The following LENG8 variants were observed in gnomAD, a reference collection of about 807,000 sequenced individuals.
LENG8 encodes the protein leukocyte receptor cluster (LRC) member 8.
LENG8 carries 28 observed loss-of-function variants against 102.1 expected under a neutral mutation model. The ratio of observed to expected loss-of-function variants is 0.27; its 90% CI spans 0.20 to 0.38. The LOEUF is 0.38. Ranked by LOEUF, LENG8 falls within the 10% of genes least tolerant of loss-of-function variation. The probability of loss-of-function intolerance (pLI) is 1.00; values close to 1 mark genes in which losing one functional copy is unlikely to be tolerated. For missense variants in LENG8, 1,022 were observed against 1,113.9 expected (o/e 0.92, Z 1.17); for synonymous variants, 531 against 456.7 (o/e 1.16, Z -2.07).
At chr19:54,457,064 G>A in intron 11 of LENG8, 143 bp downstream of exon 11, 1 of 1,012,528 alleles carries the variant, frequency 9.9e-7, no homozygotes, top group Non-Finnish European at 1.4e-6. Context: ...CGGCTGGTCG[G>A]CATTCTGAGA....
chr19:54,455,293 G>A, intron 7 of LENG8, 71 bp from the exon 8 acceptor site: 5 of 1,562,394 alleles, frequency 3.2e-6, no homozygotes, highest in Non-Finnish European at 4.4e-6. Flanking sequence ...TGTCAGCTCA[G>A]AGTGGCGGTG....
Position 54,454,638 on chromosome 19 carries a change from C to A in LENG8, c.635C>A (p.Pro212His). The change falls in exon 6 of 16, where the codon CCT (proline) becomes CAT (histidine). Residue 212 changes from proline (P) to histidine (H), a missense_variant. Pro to His is a moderately conservative substitution (Grantham distance 77). Coordinates refer to ENST00000326764, the MANE Select transcript of LENG8 (RefSeq NM_052925.4). Reference protein sequence around the residue: ...QAYGPHTYTEPAKPKKGQQLW... With the variant: ...QAYGPHTYTEHAKPKKGQQLW... The stretch of plus-strand genomic sequence containing the variant: ...TATGGGCCACACACCTACACCGAAC[C>A]TGCCAAGCCCAAGAAGGGCCAACAG... 1 of 1,607,482 alleles carries A rather than the reference C, an allele frequency of 6.2e-7. No individual in the cohort carries two copies. The highest frequency in any genetic ancestry group is 8.5e-7 in the Non-Finnish European group (1 of 1,178,632).
At position 54,453,674 on chromosome 19, in the gene LENG8, C is replaced by T. The variant is rs761370812; in HGVS notation, c.426+18C>T. ...TGAACCAGGTAACATCCTAGCCCAG[C>T]TCCCATACCCTGCTCAAGCAGAGGA... On this transcript the variant is annotated intron_variant, in intron 5 of 15. Coordinates refer to ENST00000326764, the MANE Select transcript of LENG8 (RefSeq NM_052925.4). 1.2e-5 allele frequency: 19 copies of T among 1,538,660 alleles called. No homozygotes were observed. Among genetic ancestry groups the T allele is most frequent in the Admixed American group, 1.7e-5 (1 of 57,384 alleles).
Position 54,454,503 on chromosome 19 carries a change from C to T in LENG8, c.500C>T (p.Pro167Leu), listed in dbSNP as rs907677867. Residue 167 changes from proline (P) to leucine (L), a missense_variant, in exon 6 of 16, where the codon CCT (proline) becomes CTT (leucine). Physicochemically the swap from Pro to Leu is moderately conservative, Grantham distance 98. Around this residue, in one of 7 missense-constraint regions of LENG8, gnomAD observed 343 missense variants for 320.2 expected, o/e 1.07. Coordinates refer to ENST00000326764, the MANE Select transcript of LENG8 (RefSeq NM_052925.4). The stretch of plus-strand genomic sequence containing the variant: ...CAGCAGCTGCCGTCGGCTCAGCCCC[C>T]TCAGCCCTCAAATCCCCCACATGGG... ...PPQQLPSAQP[P>L]QPSNPPHGAH... 8 of 1,613,856 alleles carry T rather than the reference C, an allele frequency of 5.0e-6. No individual in the cohort carries two copies. In the African/African-American group the frequency reaches 5.3e-5, roughly 11 times the overall value.
rs1325030379 is a variant in LENG8 at position 54,461,353 on chromosome 19, C to T, written c.*425C>T. 1.1e-5 allele frequency: 5 copies of T among 457,660 alleles called. No homozygotes were observed. The highest frequency in any genetic ancestry group is 2.0e-5 in the African/African-American group (1 of 50,192). 28.3% of individuals were successfully genotyped at this position (457,660 alleles called of 1,614,324 possible). A position where few individuals can be genotyped will look rare whatever the true frequency, so the allele number is the denominator to read the frequency against. On this transcript the variant is annotated 3_prime_UTR_variant, in exon 16 of 16. Coordinates refer to ENST00000326764, the MANE Select transcript of LENG8 (RefSeq NM_052925.4). ...CCCGTGCCCGCCTGCGGCGGGGGCACCCAGCAAGCCCGCCCACCGCCCGCT... is the reference window on the plus strand; with the variant it reads ...CCCGTGCCCGCCTGCGGCGGGGGCATCCAGCAAGCCCGCCCACCGCCCGCT...
In LENG8 at chr19:54,456,398, C is replaced by T. The variant is rs147401836; in HGVS notation, c.1378C>T (p.Pro460Ser). 1 of 1,611,938 alleles carries T rather than the reference C, an allele frequency of 6.2e-7. No homozygotes were observed. Among genetic ancestry groups the T allele is most frequent in the Non-Finnish European group, 8.5e-7 (1 of 1,179,934 alleles). Residue 460 changes from proline (P) to serine (S), a missense_variant, in exon 10 of 16, where the codon CCT (proline) becomes TCT (serine). Pro to Ser is a moderately conservative substitution (Grantham distance 74, BLOSUM62 -1). Coordinates refer to ENST00000326764, the MANE Select transcript of LENG8 (RefSeq NM_052925.4). ...CHPVGRRNPP[P>S]KGRGGRGAHM... is the part of the protein sequence containing the mutation. ...CCCTGTGGGCCGCAGGAACCCGCCC[C>T]CTAAGGGCCGGGGCGGTCGAGGGGC...
Position 54,456,199 on chromosome 19 carries a change from C to T in LENG8, c.1258C>T (p.Arg420Cys), listed in dbSNP as rs199916223. Reference protein sequence around the residue: ...DNSSSSSTDSRSRSSSRSPTR... With the variant: ...DNSSSSSTDSCSRSSSRSPTR... The stretch of plus-strand genomic sequence containing the variant: ...CAGCTCTTCTTCCAGCACAGACTCC[C>T]GCTCCCGCTCCTCCTCCAGGTCCCC... Residue 420 changes from arginine (R) to cysteine (C), a missense_variant, in exon 9 of 16, where the codon CGC (arginine) becomes TGC (cysteine). Around this residue, in one of 7 missense-constraint regions of LENG8, gnomAD observed 326 missense variants for 324.5 expected, o/e 1.00. Transcript: ENST00000326764. The T allele has an allele frequency of 7.9e-5, 128 of 1,611,422 alleles. No homozygotes were observed. Among genetic ancestry groups the T allele is most frequent in the Non-Finnish European group, 9.6e-5 (113 of 1,178,454 alleles).
rs570940575 is a variant in LENG8, at chr19:54,460,735, G to A, written c.2241-31G>A. The A allele has an allele frequency of 9.7e-4, 332 of 341,494 alleles. 2 individuals are homozygous for A. The Middle Eastern group carries it at 0.013, about 13-fold the overall frequency. The allele number at this position is 341,494 out of a possible 1,614,324, so 21.2% of individuals were successfully genotyped here. ...CCCTCCCCTGCCCTCCCGCCCGCCC[G>A]CCTCATCACCTTCTCCTCTTGTCTC... On this transcript the variant is annotated intron_variant, in intron 15 of 15. Coordinates refer to ENST00000326764, the MANE Select transcript of LENG8 (RefSeq NM_052925.4).
rs375747140 is a variant in LENG8 at position 54,457,719 on chromosome 19, C to T, written c.1732-28C>T. ...TGGCCACGCTACCTGAGTTGTACTC[C>T]GAGTGTGAATTCAGTTCCCTTTTTC... is the stretch of plus-strand genomic sequence containing the variant. On this transcript the variant is annotated intron_variant, in intron 11 of 15. Transcript: ENST00000326764. The T allele has an allele frequency of 8.4e-5, 128 of 1,520,296 alleles. 1 individual carries two copies. Among genetic ancestry groups the T allele is most frequent in the South Asian group, 5.5e-4 (49 of 89,232 alleles). The allele number at this position is 1,520,296 out of a possible 1,614,324, so 94.2% of individuals were successfully genotyped here.
intron 2 of LENG8, 117 bp from the exon 3 acceptor site, chr19:54,451,976 C>G (rs1465988801): frequency 8.6e-6 from 8 of 933,240 alleles, no homozygotes; most frequent in Non-Finnish European, 1.3e-5. Flanking sequence ...AAAACTTAGG[C>G]TTAGACTGGT....
At chr19:54,450,839 C>T (rs1311033681) in intron 1 of LENG8, among the ~76,000 whole-genome samples, 2 of 152,120 alleles carry the variant, frequency 1.3e-5, no homozygotes, top group African/African-American at 4.8e-5. Flanking sequence ...AGGCTGGTCT[C>T]GAACTCCCGA....
rs1214703643 is a variant in LENG8, at chr19:54,456,184, T to C, written c.1243T>C (p.Ser415Pro). Residue 415 changes from serine to proline, a missense_variant, in exon 9 of 16, where the codon TCC becomes CCC. Ser to Pro is a moderately conservative substitution (Grantham distance 74, BLOSUM62 -1). Transcript: ENST00000326764. ...CTTCATGAAGGACAACAGCTCTTCT[T>C]CCAGCACAGACTCCCGCTCCCGCTC... ...NVFMKDNSSS[S>P]STDSRSRSSS... The C allele has an allele frequency of 6.2e-7, 1 of 1,611,670 alleles. No individual in the cohort carries two copies. Among genetic ancestry groups the C allele is most frequent in the African/African-American group, 1.3e-5 (1 of 74,994 alleles).
intron 1 of LENG8, among the ~76,000 whole-genome samples, 157 bp from the exon 2 acceptor site, chr19:54,451,133 A>G (rs1304259795): frequency 6.6e-6 from 1 of 152,018 alleles, no homozygotes; most frequent in Non-Finnish European, 1.5e-5. Context: ...TTTCTAGTCC[A>G]CACCCAGAAC....
intron 3 of LENG8, 65 bp from the exon 4 acceptor site, chr19:54,452,586 C>T: frequency 7.5e-7 from 1 of 1,330,498 alleles, no homozygotes; most frequent in South Asian, 1.2e-5. Context: ...AACAGGCTTG[C>T]CCTTTGGGGG....
At position 54,456,168 on chromosome 19, in the gene LENG8, G is replaced by A; in HGVS notation, c.1227G>A (p.Lys409=). 3.7e-6 allele frequency: 6 copies of A among 1,611,384 alleles called. No individual in the cohort carries two copies. The highest frequency in any genetic ancestry group is 5.1e-6 in the Non-Finnish European group (6 of 1,178,222). The change falls in exon 9 of 16, where the codon AAG becomes AAA. Residue 409 remains lysine (K), a synonymous_variant. Transcript: ENST00000326764. The part of the protein sequence containing the change: ...TKFGNRNVFM[K]DNSSSSSTDS... ...TTGGCAACCGCAACGTCTTCATGAA[G>A]GACAACAGCTCTTCTTCCAGCACAG...
At position 54,456,803 on chromosome 19, in the gene LENG8, G is replaced by A; in HGVS notation, c.1613G>A (p.Ser538Asn). 1 of 1,611,504 alleles carries A rather than the reference G, an allele frequency of 6.2e-7. No individual in the cohort carries two copies. Among genetic ancestry groups the A allele is most frequent in the Non-Finnish European group, 8.5e-7 (1 of 1,179,618 alleles). The change falls in exon 11 of 16, where the codon AGC (serine) becomes AAC (asparagine). Residue 538 changes from serine to asparagine, a missense_variant. This residue lies in a region of LENG8 where 326 missense variants were observed against 324.5 expected (regional missense o/e 1.00). Coordinates refer to ENST00000326764, the MANE Select transcript of LENG8 (RefSeq NM_052925.4). ...GTGCTGCAGATGAGCAGCCTGGAGA[G>A]CAGTGGGGCTGACCCTGACTGGCAG... ...PLVLQMSSLE[S>N]SGADPDWQEL...
chr19:54,457,357 T>C (rs758372792), intron 11 of LENG8, among the ~76,000 whole-genome samples: 30 of 152,334 alleles, frequency 2.0e-4, no homozygotes, highest in Middle Eastern at 3.4e-3. Flanking sequence ...TTCTCTTTTT[T>C]TGGGAGAGAG....
In LENG8 at chr19:54,456,477, T is replaced by C; in HGVS notation, c.1445+12T>C. ...CAGCGTGGGAAGAGGTGAGACTGTG[T>C]GAGGGCTCGACACACGGGCCAGGGT... On this transcript the variant is annotated intron_variant, in intron 10 of 15. Transcript: ENST00000326764. 6.3e-7 allele frequency: 1 copy of C among 1,597,234 alleles called. No individual in the cohort carries two copies. The highest frequency in any genetic ancestry group is 8.5e-7 in the Non-Finnish European group (1 of 1,174,906).
intron 2 of LENG8, 88 bp from the exon 3 acceptor site, chr19:54,452,005 G>A (rs1446939677): frequency 1.6e-6 from 2 of 1,248,086 alleles, no homozygotes; most frequent in Non-Finnish European, 1.1e-6. Flanking sequence ...TTAGATATGG[G>A]ATCCAGGGGC....
Sources: allele counts gnomAD v4.1 joint callset (sites outside exome capture counted in the v4.1 genomes callset), GRCh38; gene constraint gnomAD v4.1.1; regional missense constraint gnomAD v4.1.1; transcripts MANE v1.5; gene names NCBI Gene and HGNC (gene_info 2026-07-23, HGNC 2026-07-21).